The following GNG7 variants were observed in gnomAD, a reference collection of about 807,000 sequenced individuals.
The protein encoded by GNG7 is guanine nucleotide-binding protein G(I)/G(S)/G(O) subunit gamma-7.
In GNG7, 1 loss-of-function variant was observed where a neutral mutation model predicts 4.0. The ratio of observed to expected loss-of-function variants is 0.25; its 90% CI spans 0.09 to 1.18. GNG7 has a LOEUF of 1.18. GNG7 is among the 50% of genes most tolerant of loss of function. The pLI is 0.50. For missense variants in GNG7, 86 were observed against 91.9 expected (o/e 0.94, Z 0.26); for synonymous variants, 34 against 36.9 (o/e 0.92, Z 0.29).
At chr19:2,531,772 A>C (rs201313788) in intron 3 of GNG7, among the ~76,000 whole-genome samples, 1,577 of 65,008 alleles carry the variant, frequency 0.024, 27 homozygotes, top group African/African-American at 0.094. Context: ...CTCCGTCCCA[A>C]AAAAAAAAAA....
At chr19:2,606,169 A>G (rs1293397181) in intron 2 of GNG7, among the ~76,000 whole-genome samples, 1 of 152,136 alleles carries the variant, frequency 6.6e-6, no homozygotes, top group Non-Finnish European at 1.5e-5. Flanking sequence ...GCTTGAGCCC[A>G]GGAGTTTGAG....
chr19:2,602,374 T>C (rs12982117), intron 2 of GNG7, among the ~76,000 whole-genome samples: 86,042 of 152,020 alleles, frequency 0.57, 26,858 homozygotes, highest in Non-Finnish European at 0.72. Flanking sequence ...AGGACTGGGC[T>C]GCGGGCTGCG....
chr19:2,643,671 T>G (rs1982582599), intron 2 of GNG7: 1 of 456,286 alleles, frequency 2.2e-6, no homozygotes. Flanking sequence ...GCCTCCTTTT[T>G]CGGGCTGAGC....
At chr19:2,642,991 C>T (rs1156752978) in intron 2 of GNG7, 1 of 448,408 alleles carries the variant, frequency 2.2e-6, no homozygotes. Context: ...AAGTCTGCGC[C>T]CTCTCCGGGC....
intron 2 of GNG7, among the ~76,000 whole-genome samples, chr19:2,629,814 A>G (rs996821339): frequency 6.6e-6 from 1 of 152,188 alleles, no homozygotes; most frequent in African/African-American, 2.4e-5. Context: ...CTGCACACCC[A>G]TAAATAAGGT....
chr19:2,662,378 C>T (rs571825836), intron 1 of GNG7, among the ~76,000 whole-genome samples: 1 of 152,016 alleles, frequency 6.6e-6, no homozygotes, highest in African/African-American at 2.4e-5. Context: ...AATTCAGGTG[C>T]TATCTACCTG....
intron 1 of GNG7, among the ~76,000 whole-genome samples, chr19:2,651,254 T>C (rs1372033249): frequency 1.7e-5 from 2 of 117,620 alleles, no homozygotes; most frequent in Non-Finnish European, 1.8e-5. Flanking sequence ...CTTTCCTTCC[T>C]TCCTTCCTTC....
intron 3 of GNG7, 101 bp from the exon 4 acceptor site, chr19:2,520,826 G>A (rs541957987): frequency 1.8e-5 from 11 of 604,672 alleles, no homozygotes; most frequent in South Asian, 7.7e-5. Context: ...CTCTAGGCAC[G>A]GCCACTTTGC....
intron 2 of GNG7, among the ~76,000 whole-genome samples, chr19:2,584,762 G>T (rs1599405390): frequency 2.2e-5 from 1 of 46,296 alleles, no homozygotes; most frequent in East Asian, 8.6e-4. Flanking sequence ...GATGGAGGGA[G>T]GGAGGGATGG....
chr19:2,593,388 T>G (rs1163805084), intron 2 of GNG7, among the ~76,000 whole-genome samples: 1 of 151,448 alleles, frequency 6.6e-6, no homozygotes, highest in Non-Finnish European at 1.5e-5. Context: ...TCAATTTTTG[T>G]TTTTTAAAAT....
chr19:2,662,847 C>T (rs550934549), intron 1 of GNG7, among the ~76,000 whole-genome samples: 10 of 152,286 alleles, frequency 6.6e-5, no homozygotes, highest in South Asian at 6.2e-4. Flanking sequence ...GCCCTCTCAT[C>T]CTGCCTTGAT....
intron 2 of GNG7, among the ~76,000 whole-genome samples, chr19:2,638,043 G>T (rs1465108461): frequency 6.6e-6 from 1 of 152,106 alleles, no homozygotes; most frequent in Non-Finnish European, 1.5e-5. Flanking sequence ...CTGGTGTCCA[G>T]TGTGAGCAGG....
At chr19:2,521,091 TA>T (rs5826770) in intron 3 of GNG7, among the ~76,000 whole-genome samples, 44,665 of 141,322 alleles carry the variant, frequency 0.32, 7,101 homozygotes, top group East Asian at 0.43. Flanking sequence ...TCATCGTTAC[TA>T]AAAAAAAAAA....
intron 1 of GNG7, among the ~76,000 whole-genome samples, chr19:2,702,431 C>T (rs1441618802): frequency 6.7e-6 from 1 of 149,610 alleles, no homozygotes; most frequent in African/African-American, 2.5e-5. Context: ...CAACCCCAGC[C>T]CCTCCCCAGC....
chr19:2,531,421 G>T (rs117831224), intron 3 of GNG7, among the ~76,000 whole-genome samples: 40 of 152,002 alleles, frequency 2.6e-4, no homozygotes, highest in Admixed American at 8.5e-4. Context: ...TTAAGGTGAT[G>T]CGAGATTGCT....
At chr19:2,596,297 T>C (rs1275546520) in intron 2 of GNG7, among the ~76,000 whole-genome samples, 1 of 152,026 alleles carries the variant, frequency 6.6e-6, no homozygotes, top group Non-Finnish European at 1.5e-5. Flanking sequence ...AGGTGGAGGT[T>C]GCAGTGAGCT....
At chr19:2,658,292 AAAGT>A (rs796352131) in intron 1 of GNG7, among the ~76,000 whole-genome samples, 4 of 152,252 alleles carry the variant, frequency 2.6e-5, no homozygotes, top group African/African-American at 9.6e-5. Flanking sequence ...AAAGGGACAA[AAAGT>A]AAGTATTTTA....
intron 1 of GNG7, among the ~76,000 whole-genome samples, chr19:2,685,049 A>G (rs182696353): frequency 2.0e-4 from 30 of 152,174 alleles, no homozygotes; most frequent in African/African-American, 7.0e-4. Flanking sequence ...GCTTGAACCC[A>G]GGAGGCAGAG....
chr19:2,629,055 T>C (rs1162811810), intron 2 of GNG7, among the ~76,000 whole-genome samples: 3 of 152,188 alleles, frequency 2.0e-5, no homozygotes, highest in African/African-American at 7.2e-5. Flanking sequence ...CCATTGCTGC[T>C]GTAGGTGCCA....
Sources: allele counts gnomAD v4.1 joint callset (sites outside exome capture counted in the v4.1 genomes callset), GRCh38; gene constraint gnomAD v4.1.1; transcripts MANE v1.5; gene names NCBI Gene and HGNC (gene_info 2026-07-23, HGNC 2026-07-21).